Variants in ABLIM2 observed in about 807,000 individuals in gnomAD.
ABLIM2 encodes actin-binding LIM protein 2.
ABLIM2 carries 53 observed loss-of-function variants against 97.7 expected under a neutral mutation model. The observed-to-expected ratio is 0.54, with a 90% CI of 0.44 to 0.68. The LOEUF (loss-of-function observed/expected upper bound fraction) is 0.68, where lower values mean the gene tolerates loss of function less well. ABLIM2 is among the 30% of genes least tolerant of loss of function. The pLI is 0.00. For synonymous variants in ABLIM2, 361 were observed against 345.8 expected (o/e 1.04, Z -0.49); for missense variants, 835 against 867.2 (o/e 0.96, Z 0.47).
chr4:8,140,658 G>A lies in ABLIM2; in HGVS notation c.10+18022C>T, dbSNP rs1197222721. 6.6e-6 allele frequency among the ~76,000 whole-genome samples: 1 copy of A among 152,114 alleles called. No homozygotes were observed. The highest frequency in any genetic ancestry group is 1.5e-5 in the Non-Finnish European group (1 of 68,026). On this transcript the variant is annotated intron_variant, in intron 1 of 20. Transcript: ENST00000447017. This position sits in a 1 kb window ranked among gnomAD's most constrained non-coding sequence, Gnocchi z 5.9. The stretch of plus-strand genomic sequence containing the variant: ...TGATGGAAGCAATGATGATAAAATC[G>A]ACCCCAGAGAATACACAAGAGGGCA...
intron 1 of ABLIM2, among the ~76,000 whole-genome samples, chr4:8,110,450 T>C (rs1839748560): frequency 1.3e-5 from 2 of 152,080 alleles, no homozygotes; most frequent in Non-Finnish European, 2.9e-5. Flanking sequence ...TCTGTCTGTG[T>C]GTCTGTCTGT....
rs1790692912 is a variant in ABLIM2, at chr4:8,044,277, T to G, written c.900+887A>C. Among the ~76,000 whole-genome samples the G allele has an allele frequency of 6.6e-6, 1 of 152,012 alleles. No individual in the cohort carries two copies. The highest frequency in any genetic ancestry group is 1.5e-5 in the Non-Finnish European group (1 of 68,010). ...TTGTCCCAGTCACCAGCCATTCCAGTGCTGGGTTCTGGTGCAGGGGCAGCC... is the reference window on the plus strand; with the variant it reads ...TTGTCCCAGTCACCAGCCATTCCAGGGCTGGGTTCTGGTGCAGGGGCAGCC... On this transcript the variant is annotated intron_variant, in intron 9 of 20. Transcript: ENST00000447017. This position sits in a 1 kb window ranked among gnomAD's most constrained non-coding sequence, Gnocchi z 4.4.
intron 1 of ABLIM2, among the ~76,000 whole-genome samples, chr4:8,145,214 C>T (rs975151181): frequency 2.0e-5 from 3 of 151,156 alleles, no homozygotes; most frequent in East Asian, 1.9e-4. Flanking sequence ...GACAGAGTCT[C>T]GCTCTGTCGC....
At chr4:8,104,015 G>A (rs115871863) in intron 2 of ABLIM2, among the ~76,000 whole-genome samples, 1 of 152,264 alleles carries the variant, frequency 6.6e-6, no homozygotes, top group African/African-American at 2.4e-5. Context: ...ATCCCACGAT[G>A]CCCTGGAAAG....
In ABLIM2 at chr4:8,088,230, G is replaced by C; in HGVS notation, c.393C>G (p.Cys131Trp). Residue 131 changes from cysteine (C) to tryptophan (W), a missense_variant, in exon 4 of 21, where the codon TGC (cysteine) becomes TGG (tryptophan). Physicochemically the swap from Cys to Trp is radical, Grantham distance 215. Transcript: ENST00000447017. ...RVTFNGKECM[C>W]QKCSLPVSVG... ...CCGATACGGGCAGGGAACACTTCTGGCACATGCATTCCTTCCCGTTGAAGG... is the reference window on the plus strand; with the variant it reads ...CCGATACGGGCAGGGAACACTTCTGCCACATGCATTCCTTCCCGTTGAAGG... The C allele has an allele frequency of 6.2e-7, 1 of 1,613,070 alleles. No individual in the cohort carries two copies. The highest frequency in any genetic ancestry group is 8.5e-7 in the Non-Finnish European group (1 of 1,179,694).
At chr4:8,080,823 C>G in intron 4 of ABLIM2, 21 bp from the exon 5 acceptor site, 1 of 1,592,064 alleles carries the variant, frequency 6.3e-7, no homozygotes, top group Non-Finnish European at 8.6e-7. Flanking sequence ...GAGAAGAGAA[C>G]ACAGACACCC....
intron 16 of ABLIM2, among the ~76,000 whole-genome samples, chr4:7,993,384 T>C (rs1750522375): frequency 6.6e-6 from 1 of 152,234 alleles, no homozygotes; most frequent in Non-Finnish European, 1.5e-5. Flanking sequence ...GAGGCAATCT[T>C]ATTTTAATAA....
At chr4:8,091,909 A>C (rs1482340587) in intron 3 of ABLIM2, among the ~76,000 whole-genome samples, 13 of 123,226 alleles carry the variant, frequency 1.1e-4, no homozygotes, top group Admixed American at 4.4e-4. Context: ...TATATAATAT[A>C]TTGTTATAAT....
intron 20 of ABLIM2, among the ~76,000 whole-genome samples, chr4:7,969,581 A>C (rs1038976012): frequency 3.9e-5 from 6 of 152,152 alleles, no homozygotes; most frequent in Non-Finnish European, 7.3e-5. Context: ...CACGCATTTC[A>C]CAAGAATCAC....
At chr4:8,016,087 C>A (rs1769001500) in intron 14 of ABLIM2, among the ~76,000 whole-genome samples, 2 of 142,688 alleles carry the variant, frequency 1.4e-5, no homozygotes, top group Non-Finnish European at 3.0e-5. Flanking sequence ...CTCTGTCGCC[C>A]AGGCTGGAGT....
chr4:8,055,448 A>G (rs532796842), intron 7 of ABLIM2, among the ~76,000 whole-genome samples: 3 of 150,800 alleles, frequency 2.0e-5, no homozygotes, highest in South Asian at 4.2e-4. Context: ...CTGCACTCAC[A>G]CATCCAGCCT....
chr4:8,077,260 C>T (rs552702494), intron 6 of ABLIM2, among the ~76,000 whole-genome samples: 2 of 152,344 alleles, frequency 1.3e-5, no homozygotes, highest in South Asian at 2.1e-4. Context: ...GCCTCCCGGG[C>T]GACCCCGCTG....
In ABLIM2 at chr4:8,045,253, G is replaced by T. The variant is rs199998102; in HGVS notation, c.823-12C>A. 5.0e-6 allele frequency: 8 copies of T among 1,611,346 alleles called. No individual in the cohort carries two copies. The South Asian group carries it at 8.8e-5, about 18-fold the overall frequency. ...GAAGTTCTGGTTTCCTGAGAAAGGA[G>T]AGAGGAAGAGATTGAAGGCAGGTAC... On this transcript the variant is annotated splice_polypyrimidine_tract_variant and intron_variant, in intron 8 of 20. Transcript: ENST00000447017.
In ABLIM2 at chr4:8,132,057, G is replaced by A. The variant is rs35454918; in HGVS notation, c.11-25420C>T. On this transcript the variant is annotated intron_variant, in intron 1 of 20. Transcript: ENST00000447017. This position sits in a 1 kb window ranked among gnomAD's most constrained non-coding sequence, Gnocchi z 8.0. ...ATCCCCGAGCACAGCTGTGCCGGCC[G>A]AGCTCAGGCCTCGGGGTGCCTGGAC... Among the ~76,000 whole-genome samples, 20,766 of 150,468 alleles carry A rather than the reference G, an allele frequency of 0.14. 1,585 individuals carry two copies. Among genetic ancestry groups the A allele is most frequent in the East Asian group, 0.2 (1,048 of 5,152 alleles).
chr4:8,131,410 A>G (rs1462912311), intron 1 of ABLIM2, among the ~76,000 whole-genome samples: 1 of 152,236 alleles, frequency 6.6e-6, no homozygotes, highest in African/African-American at 2.4e-5. Flanking sequence ...CGCCACCTGC[A>G]GTGCAGAAAA....
intron 8 of ABLIM2, among the ~76,000 whole-genome samples, chr4:8,051,792 C>T (rs1796218561): frequency 6.6e-6 from 1 of 152,154 alleles, no homozygotes; most frequent in Non-Finnish European, 1.5e-5. Flanking sequence ...CACATATCCA[C>T]ATGTATGTGG....
At chr4:8,028,550 C>A (rs1263614916) in intron 11 of ABLIM2, among the ~76,000 whole-genome samples, 2 of 152,150 alleles carry the variant, frequency 1.3e-5, no homozygotes, top group Non-Finnish European at 2.9e-5. Flanking sequence ...CATTCACTCA[C>A]CAATTCACTC....
rs1010713080 is a variant in ABLIM2, at chr4:8,001,962, G to A, written c.1618+6097C>T. On this transcript the variant is annotated intron_variant, in intron 16 of 20. Coordinates refer to ENST00000447017, the MANE Select transcript of ABLIM2 (RefSeq NM_001130083.2). The surrounding 1 kb of genome is among the most constrained non-coding windows in gnomAD (Gnocchi z 4.2). Reference sequence around the variant, plus strand: ...CTTTTTCTTGCTCTCTCTCCTCCCAGCATTTTGCTGAGATGGGGAGATGGG... The same window carrying A: ...CTTTTTCTTGCTCTCTCTCCTCCCAACATTTTGCTGAGATGGGGAGATGGG... 6.6e-6 allele frequency among the ~76,000 whole-genome samples: 1 copy of A among 152,200 alleles called. No individual in the cohort carries two copies. The highest frequency in any genetic ancestry group is 2.4e-5 in the African/African-American group (1 of 41,440).
intron 9 of ABLIM2, among the ~76,000 whole-genome samples, chr4:8,039,642 T>C (rs1156555971): frequency 2.0e-5 from 3 of 152,204 alleles, no homozygotes; most frequent in African/African-American, 7.2e-5. Flanking sequence ...ACAGTATCAT[T>C]ACCATATAAC....
Sources: allele counts gnomAD v4.1 joint callset (sites outside exome capture counted in the v4.1 genomes callset), GRCh38; gene constraint gnomAD v4.1.1; non-coding constraint Gnocchi (gnomAD v3.1); transcripts MANE v1.5; gene names NCBI Gene and HGNC (gene_info 2026-07-23, HGNC 2026-07-21).